The following TRIM47 variants were observed in gnomAD, a reference collection of about 807,000 sequenced individuals.
TRIM47 encodes the protein E3 ubiquitin-protein ligase TRIM47.
Under a neutral mutation model 54.4 loss-of-function variants are expected in TRIM47, and 46 were observed. The observed-to-expected ratio is 0.84, with a 90% CI of 0.67 to 1.08. The LOEUF is 1.08. Among genes scored for constraint, TRIM47 ranks in the 50% least tolerant of loss-of-function variants. The pLI is 0.00. For synonymous variants in TRIM47, 392 were observed against 410.2 expected (o/e 0.96, Z 0.54); for missense variants, 825 against 910.1 (o/e 0.91, Z 1.20).
At chr17:75,877,743 G>A in intron 1 of TRIM47, 131 bp downstream of exon 1, 2 of 1,243,312 alleles carry the variant, frequency 1.6e-6, no homozygotes, top group Non-Finnish European at 2.0e-6. Flanking sequence ...GGAAGGGACC[G>A]CAAAGATCCT....
Position 75,875,850 on chromosome 17 carries a change from C to A in TRIM47, c.1201+51G>T, listed in dbSNP as rs749559389. The A allele has an allele frequency of 5.2e-5, 82 of 1,578,972 alleles. No individual in the cohort carries two copies. Among genetic ancestry groups the A allele is most frequent in the Non-Finnish European group, 6.8e-5 (79 of 1,162,700 alleles). On this transcript the variant is annotated intron_variant, in intron 4 of 5. Transcript: ENST00000254816. The surrounding 1 kb of genome is among the most constrained non-coding windows in gnomAD (Gnocchi z 6.1). ...TGGGCGCCAGGCCTGGGGGCCTGTG[C>A]GAGAGGCTGGCAGAGGGTGAGTCAT...
At chr17:75,877,077 C>T in intron 1 of TRIM47, 1 of 509,428 alleles carries the variant, frequency 2.0e-6, no homozygotes, top group Non-Finnish European at 3.6e-6. Context: ...ACAGGGCCGT[C>T]CGCTGGTCTC....
chr17:75,877,953 C>A lies in TRIM47; in HGVS notation c.596G>T (p.Cys199Phe). The change falls in exon 1 of 6, where the codon TGT becomes TTT. Residue 199 changes from cysteine (C) to phenylalanine (F), a missense_variant. Cys to Phe is a radical substitution (Grantham distance 205). Coordinates refer to ENST00000254816, the MANE Select transcript of TRIM47 (RefSeq NM_033452.3). ...CTGTGCGGCGCAGGCCTCGCACAGA[C>A]ACACGCGCTCCGCGCGGCAGTAGCG... ...LERYCRAERV[C>F]LCEACAAQEH... 2.7e-6 allele frequency: 4 copies of A among 1,456,392 alleles called. No individual in the cohort carries two copies. Among genetic ancestry groups the A allele is most frequent in the Non-Finnish European group, 2.7e-6 (3 of 1,107,978 alleles). 90.2% of individuals were successfully genotyped at this position (1,456,392 alleles called of 1,614,324 possible).
rs918989554 is a variant in TRIM47 at position 75,875,820 on chromosome 17, C to A, written c.1201+81G>T. ...CAGGCACAATTTTCCTCCTCCACTT[C>A]TGGATGGGCGCCAGGCCTGGGGGCC... On this transcript the variant is annotated intron_variant, in intron 4 of 5. Coordinates refer to ENST00000254816, the MANE Select transcript of TRIM47 (RefSeq NM_033452.3). This position sits in a 1 kb window ranked among gnomAD's most constrained non-coding sequence, Gnocchi z 6.1. 21 of 1,492,678 alleles carry A rather than the reference C, an allele frequency of 1.4e-5. No individual in the cohort carries two copies. Among genetic ancestry groups the A allele is most frequent in the Non-Finnish European group, 1.7e-5 (19 of 1,108,460 alleles). The allele number at this position is 1,492,678 out of a possible 1,614,324, so 92.5% of individuals were successfully genotyped here. A position where few individuals can be genotyped will look rare whatever the true frequency, so the allele number is the denominator to read the frequency against.
chr17:75,876,898 A>C, intron 1 of TRIM47, 85 bp from the exon 2 acceptor site: 1 of 1,329,988 alleles, frequency 7.5e-7, no homozygotes, highest in East Asian at 2.4e-5. Flanking sequence ...AGGGGAGAGA[A>C]GGGGGTGACT....
At chr17:75,876,197 C>A (rs1160816531) in intron 3 of TRIM47, 65 bp downstream of exon 3, 2 of 1,564,568 alleles carry the variant, frequency 1.3e-6, no homozygotes, top group Non-Finnish European at 1.7e-6. Context: ...CCCACTGCCT[C>A]CTCCTCCCTC....
rs771018858 is a variant in TRIM47 at position 75,876,419 on chromosome 17, T to C, written c.845A>G (p.Gln282Arg). Residue 282 changes from glutamine (Q) to arginine (R), a missense_variant, in exon 3 of 6, where the codon CAG becomes CGG. Physicochemically the swap from Gln to Arg is conservative, Grantham distance 43. Coordinates refer to ENST00000254816, the MANE Select transcript of TRIM47 (RefSeq NM_033452.3). ...CTCGATGAAGCCCAGCACCTGGGTC[T>C]GGAAGCCCTGCAGGGCGGCCGCAGC... ...ADAAAALQGFQTQVLGFIEEG... is the reference protein window; with the variant it reads ...ADAAAALQGFRTQVLGFIEEG... The C allele has an allele frequency of 6.2e-7, 1 of 1,612,022 alleles. No individual in the cohort carries two copies. Among genetic ancestry groups the C allele is most frequent in the Non-Finnish European group, 8.5e-7 (1 of 1,179,942 alleles).
Position 75,877,967 on chromosome 17 carries a change from G to C in TRIM47, c.582C>G (p.Arg194=), listed in dbSNP as rs144069409. The C allele has an allele frequency of 4.6e-4, 665 of 1,456,780 alleles. 10 individuals are homozygous for C. The African/African-American group carries it at 8.4e-3, about 18-fold the overall frequency. 90.2% of individuals were successfully genotyped at this position (1,456,780 alleles called of 1,614,324 possible). A position where few individuals can be genotyped will look rare whatever the true frequency, so the allele number is the denominator to read the frequency against. ...CCTCGCACAGACACACGCGCTCCGC[G>C]CGGCAGTAGCGCTCGAGCGGCCGTA... ...RHLRPLERYC[R]AERVCLCEAC... The change falls in exon 1 of 6, where the codon CGC becomes CGG. Residue 194 remains arginine, a synonymous_variant. Transcript: ENST00000254816.
Position 75,874,419 on chromosome 17 carries a change from G to A in TRIM47, c.*64C>T, listed in dbSNP as rs2143964890. On this transcript the variant is annotated 3_prime_UTR_variant, in exon 6 of 6. Transcript: ENST00000254816. The surrounding 1 kb of genome is among the most constrained non-coding windows in gnomAD (Gnocchi z 6.2). ...CATGCTGGTGCCTTCCCAGACGAAGGAGAGGGCCCAGAGGAGGCAGCTTCC... is the reference window on the plus strand; with the variant it reads ...CATGCTGGTGCCTTCCCAGACGAAGAAGAGGGCCCAGAGGAGGCAGCTTCC... 6.9e-7 allele frequency: 1 copy of A among 1,444,504 alleles called. No individual in the cohort carries two copies. The highest frequency in any genetic ancestry group is 1.6e-5 in the South Asian group (1 of 62,664). The allele number at this position is 1,444,504 out of a possible 1,614,324, so 89.5% of individuals were successfully genotyped here. A position where few individuals can be genotyped will look rare whatever the true frequency, so the allele number is the denominator to read the frequency against.
intron 1 of TRIM47, 72 bp from the exon 2 acceptor site, chr17:75,876,885 G>A: frequency 1.4e-6 from 2 of 1,480,858 alleles, no homozygotes; most frequent in East Asian, 2.3e-5. Flanking sequence ...CCCAGGCCTT[G>A]CCAGGGGAGA....
In TRIM47 at chr17:75,875,770, G is replaced by A; in HGVS notation, c.1201+131C>T. The A allele has an allele frequency of 9.1e-7, 1 of 1,103,996 alleles. No homozygotes were observed. Among genetic ancestry groups the A allele is most frequent in the Non-Finnish European group, 1.3e-6 (1 of 779,182 alleles). The allele number at this position is 1,103,996 out of a possible 1,614,324, so 68.4% of individuals were successfully genotyped here. On this transcript the variant is annotated intron_variant, in intron 4 of 5. Transcript: ENST00000254816. The surrounding 1 kb of genome is among the most constrained non-coding windows in gnomAD (Gnocchi z 6.1). ...CACAGGGTGGCAGCTCTAGTCACTGGCAGGATTTGGGCTCCTCCCTGTGCC... is the reference window on the plus strand; with the variant it reads ...CACAGGGTGGCAGCTCTAGTCACTGACAGGATTTGGGCTCCTCCCTGTGCC...
chr17:75,875,433 C>G lies in TRIM47; in HGVS notation c.1243G>C (p.Glu415Gln), dbSNP rs1293559220. 2 of 1,614,116 alleles carry G rather than the reference C, an allele frequency of 1.2e-6. No homozygotes were observed. The highest frequency in any genetic ancestry group is 1.7e-6 in the Non-Finnish European group (2 of 1,180,008). ...PQDLESTNLL[E>Q]SEAPRDYFLK... ...AAATAGTCCCTGGGAGCTTCACTCTCCAAGAGGTTCGTACTCTCGAGGTCT... is the reference window on the plus strand; with the variant it reads ...AAATAGTCCCTGGGAGCTTCACTCTGCAAGAGGTTCGTACTCTCGAGGTCT... Residue 415 changes from glutamate to glutamine, a missense_variant, in exon 5 of 6, where the codon GAG (glutamate) becomes CAG (glutamine). Physicochemically the swap from Glu to Gln is conservative, Grantham distance 29. Coordinates refer to ENST00000254816, the MANE Select transcript of TRIM47 (RefSeq NM_033452.3). The surrounding 1 kb of genome is among the most constrained non-coding windows in gnomAD (Gnocchi z 6.1).
Position 75,874,334 on chromosome 17 carries a change from A to G in TRIM47, c.*149T>C, listed in dbSNP as rs749828361. On this transcript the variant is annotated 3_prime_UTR_variant, in exon 6 of 6. Transcript: ENST00000254816. This position sits in a 1 kb window ranked among gnomAD's most constrained non-coding sequence, Gnocchi z 6.2. ...GGGGTCCTCCTGCCTGGGAGAGGGAAGGCTGAGTGTATAAAAAGGTGGAAG... is the reference window on the plus strand; with the variant it reads ...GGGGTCCTCCTGCCTGGGAGAGGGAGGGCTGAGTGTATAAAAAGGTGGAAG... 1 of 670,190 alleles carries G rather than the reference A, an allele frequency of 1.5e-6. No homozygotes were observed. The highest frequency in any genetic ancestry group is 2.3e-6 in the Non-Finnish European group (1 of 435,812). The allele number at this position is 670,190 out of a possible 1,614,324, so 41.5% of individuals were successfully genotyped here.
At position 75,876,299 on chromosome 17, in the gene TRIM47, C is replaced by T. The variant is rs1320868153; in HGVS notation, c.965G>A (p.Ser322Asn). Residue 322 changes from serine (S) to asparagine (N), a missense_variant, in exon 3 of 6, where the codon AGC (serine) becomes AAC (asparagine). By Grantham distance (46) the Ser-to-Asn change is conservative. Transcript: ENST00000254816. Reference sequence around the variant, plus strand: ...GACTGAGTCAGCTTCAGGGACCTGGCTGAGATTCTGGCGGGCTCGGCTCAG... The same window carrying T: ...GACTGAGTCAGCTTCAGGGACCTGGTTGAGATTCTGGCGGGCTCGGCTCAG... ...SRLSRARQNL[S>N]QVPEADSVSF... is the part of the protein sequence containing the mutation. The T allele has an allele frequency of 1.2e-6, 2 of 1,610,488 alleles. No individual in the cohort carries two copies. Among genetic ancestry groups the T allele is most frequent in the Admixed American group, 3.3e-5 (2 of 59,990 alleles).
chr17:75,874,448 A>T lies in TRIM47; in HGVS notation c.*35T>A. On this transcript the variant is annotated 3_prime_UTR_variant, in exon 6 of 6. Transcript: ENST00000254816. This position sits in a 1 kb window ranked among gnomAD's most constrained non-coding sequence, Gnocchi z 6.2. The stretch of plus-strand genomic sequence containing the variant: ...GGGCCCAGAGGAGGCAGCTTCCTGG[A>T]GCAGAGACGGCAGCAGGAGCGCCCG... The T allele has an allele frequency of 6.7e-7, 1 of 1,482,636 alleles. No individual in the cohort carries two copies. Among genetic ancestry groups the T allele is most frequent in the Non-Finnish European group, 9.0e-7 (1 of 1,116,602 alleles). 91.8% of individuals were successfully genotyped at this position (1,482,636 alleles called of 1,614,324 possible).
chr17:75,876,646 A>G, intron 2 of TRIM47, 72 bp downstream of exon 2: 1 of 1,576,638 alleles, frequency 6.3e-7, no homozygotes, highest in Non-Finnish European at 8.7e-7. Context: ...GTCAGGGGAC[A>G]CTTGTGCTCA....
chr17:75,876,738 G>A lies in TRIM47; in HGVS notation c.751C>T (p.Arg251Cys), dbSNP rs540619549. 3.8e-5 allele frequency: 62 copies of A among 1,614,184 alleles called. 1 individual carries two copies. The South Asian group carries it at 5.0e-4, about 13-fold the overall frequency. ...ELGAGIAQSR[R>C]TVALIKSAAV... ...TTGACCTTGATGAGGGCCACTGTGC[G>A]CCTGGACTGTGCAATGCCAGCACCC... is the stretch of plus-strand genomic sequence containing the variant. Residue 251 changes from arginine (R) to cysteine (C), a missense_variant, in exon 2 of 6, where the codon CGC (arginine) becomes TGC (cysteine). Physicochemically the swap from Arg to Cys is radical, Grantham distance 180. Transcript: ENST00000254816.
chr17:75,877,543 C>T, intron 1 of TRIM47: 1 of 546,732 alleles, frequency 1.8e-6, no homozygotes, highest in Non-Finnish European at 2.6e-6. Flanking sequence ...GCGTGACCCT[C>T]CGGGCGGGAG....
Position 75,874,615 on chromosome 17 carries a change from G to A in TRIM47, c.1785C>T (p.Ser595=). The part of the protein sequence containing the change: ...IPASPIDPFQ[S]RLDSHFAGLF... ...GCCCCGCAAAGTGACTGTCCAGGCG[G>A]CTCTGGAAGGGGTCAATGGGGGAGG... The change falls in exon 6 of 6, where the codon AGC becomes AGT. Residue 595 remains serine (S), a synonymous_variant. Coordinates refer to ENST00000254816, the MANE Select transcript of TRIM47 (RefSeq NM_033452.3). The surrounding 1 kb of genome is among the most constrained non-coding windows in gnomAD (Gnocchi z 6.2). The A allele has an allele frequency of 1.3e-6, 2 of 1,572,540 alleles. No homozygotes were observed. The highest frequency in any genetic ancestry group is 1.7e-6 in the Non-Finnish European group (2 of 1,158,866).
Sources: allele counts gnomAD v4.1 joint callset, GRCh38; gene constraint gnomAD v4.1.1; non-coding constraint Gnocchi (gnomAD v3.1); transcripts MANE v1.5; gene names NCBI Gene and HGNC (gene_info 2026-07-23, HGNC 2026-07-21).